The following TBC1D15 variants were observed in gnomAD, a reference collection of about 807,000 sequenced individuals.
The protein encoded by TBC1D15 is TBC1 domain family member 15, also known as GAP for RAB7.
A neutral mutation model predicts 95.4 loss-of-function variants in TBC1D15; 39 were observed. The observed-to-expected ratio is 0.41, with a 90% CI of 0.32 to 0.53. The LOEUF is 0.53. Ranked by LOEUF, TBC1D15 falls within the 20% of genes least tolerant of loss-of-function variation. The pLI, the probability that TBC1D15 is intolerant of heterozygous loss-of-function variation, is 0.29. For synonymous variants in TBC1D15, 258 were observed against 261.3 expected (o/e 0.99, Z 0.12); for missense variants, 733 against 794.3 (o/e 0.92, Z 0.93).
In TBC1D15 at chr12:71,872,981, C is replaced by T. The variant is rs758155901; in HGVS notation, c.182C>T (p.Ser61Phe). Residue 61 changes from serine (S) to phenylalanine (F), a missense_variant, in exon 3 of 17, where the codon TCT (serine) becomes TTT (phenylalanine). Ser to Phe is a radical substitution (Grantham distance 155). Coordinates refer to ENST00000485960, the MANE Select transcript of TBC1D15 (RefSeq NM_001146213.3). ...WRPLDDALDS[S>F]SILYARKDSS... Reference sequence around the variant, plus strand: ...CCATTGGATGATGCATTAGATTCCTCTAGTATTCTCTATGCTAGAAAGGTA... The same window carrying T: ...CCATTGGATGATGCATTAGATTCCTTTAGTATTCTCTATGCTAGAAAGGTA... The T allele has an allele frequency of 6.2e-7, 1 of 1,607,926 alleles. No individual in the cohort carries two copies.
At chr12:71,891,326 T>C (rs1356006267) in intron 5 of TBC1D15, among the ~76,000 whole-genome samples, 2 of 152,160 alleles carry the variant, frequency 1.3e-5, no homozygotes, top group African/African-American at 2.4e-5. Context: ...TACTAGACTA[T>C]AGTTTTCTTC....
chr12:71,854,827 T>C (rs1351927240), intron 1 of TBC1D15: 3 of 456,616 alleles, frequency 6.6e-6, no homozygotes, highest in Non-Finnish European at 1.3e-5. Context: ...AAATCTTTGA[T>C]CTGTTCTTCC....
In TBC1D15 at chr12:71,893,243, A is replaced by G. The variant is rs1406954416; in HGVS notation, c.576A>G (p.Thr192=). The change falls in exon 6 of 17, where the codon ACA becomes ACG. Residue 192 remains threonine (T), a synonymous_variant. Coordinates refer to ENST00000485960, the MANE Select transcript of TBC1D15 (RefSeq NM_001146213.3). Reference sequence around the variant, plus strand: ...ATAGATCTCCACAGGATAAAAGAACACTTCTTGTGAATTGTCAGAATAAGA... The same window carrying G: ...ATAGATCTCCACAGGATAAAAGAACGCTTCTTGTGAATTGTCAGAATAAGA... ...VLCESPQDKR[T]LLVNCQNKSL... 4.4e-6 allele frequency: 7 copies of G among 1,607,120 alleles called. No individual in the cohort carries two copies. The highest frequency in any genetic ancestry group is 1.1e-5 in the South Asian group (1 of 90,450).
At chr12:71,878,682 A>AT (rs1894490144) in intron 3 of TBC1D15, among the ~76,000 whole-genome samples, 1 of 151,330 alleles carries the variant, frequency 6.6e-6, no homozygotes, top group South Asian at 2.1e-4. Context: ...CTCCCGGCTA[A>AT]TTTTTGTATT....
chr12:71,889,677 G>T (rs1896877342), intron 5 of TBC1D15, among the ~76,000 whole-genome samples: 1 of 152,136 alleles, frequency 6.6e-6, no homozygotes, highest in Non-Finnish European at 1.5e-5. Flanking sequence ...ATATGTGCAG[G>T]TTTGTTATGT....
At chr12:71,854,413 T>C (rs1000323720) in intron 1 of TBC1D15, 5 of 364,652 alleles carry the variant, frequency 1.4e-5, no homozygotes, top group Non-Finnish European at 2.7e-5. Context: ...ACATCTTTTT[T>C]CCCCTTCAAT....
At chr12:71,895,334 A>G (rs1483852588) in intron 7 of TBC1D15, among the ~76,000 whole-genome samples, 3 of 152,094 alleles carry the variant, frequency 2.0e-5, no homozygotes, top group East Asian at 3.8e-4. Flanking sequence ...GTGCTCAGTA[A>G]GATTTAAATT....
intron 5 of TBC1D15, among the ~76,000 whole-genome samples, chr12:71,891,012 G>A (rs1897116171): frequency 6.6e-6 from 1 of 152,114 alleles, no homozygotes; most frequent in South Asian, 2.1e-4. Flanking sequence ...AGCCAAATTT[G>A]TTGTATCATC....
intron 11 of TBC1D15, among the ~76,000 whole-genome samples, chr12:71,910,043 G>A (rs2138948505): frequency 6.6e-6 from 1 of 152,030 alleles, no homozygotes; most frequent in Admixed American, 6.6e-5. Flanking sequence ...TTTGTATAAG[G>A]TGTAAGGAAG....
chr12:71,848,640 T>A (rs1442177145), intron 1 of TBC1D15, among the ~76,000 whole-genome samples: 2 of 152,140 alleles, frequency 1.3e-5, no homozygotes, highest in Admixed American at 6.5e-5. Context: ...TTTAAAAAAA[T>A]TATTTATTTT....
intron 5 of TBC1D15, among the ~76,000 whole-genome samples, chr12:71,892,775 G>A (rs1243136703): frequency 1.3e-5 from 2 of 151,418 alleles, no homozygotes; most frequent in Non-Finnish European, 3.0e-5. Flanking sequence ...GAATGAAGGT[G>A]GAAATGATTT....
chr12:71,894,538 A>G, intron 6 of TBC1D15, 148 bp from the exon 7 acceptor site: 2 of 1,085,960 alleles, frequency 1.8e-6, no homozygotes, highest in Admixed American at 5.6e-5. Context: ...TTGAAGAAAG[A>G]AAATACAAAT....
rs776839503 is a variant in TBC1D15 at position 71,913,907 on chromosome 12, C to G, written c.1382C>G (p.Ala461Gly). The G allele has an allele frequency of 1.3e-6, 2 of 1,591,384 alleles. No individual in the cohort carries two copies. The highest frequency in any genetic ancestry group is 1.7e-6 in the Non-Finnish European group (2 of 1,172,116). Reference sequence around the variant, plus strand: ...GAAGTGGATGCCTTTTGGTGCTTTGCCTCTTACATGGACCAAATGGTAAGA... The same window carrying G: ...GAAGTGGATGCCTTTTGGTGCTTTGGCTCTTACATGGACCAAATGGTAAGA... Reference protein sequence around the residue: ...ENEVDAFWCFASYMDQMHQNF... With the variant: ...ENEVDAFWCFGSYMDQMHQNF... The change falls in exon 12 of 17, where the codon GCC becomes GGC. Residue 461 changes from alanine to glycine, a missense_variant. Transcript: ENST00000485960.
intron 10 of TBC1D15, among the ~76,000 whole-genome samples, chr12:71,904,388 C>G (rs1022585625): frequency 6.6e-6 from 1 of 152,108 alleles, no homozygotes; most frequent in African/African-American, 2.4e-5. Flanking sequence ...ACAGCTCTTT[C>G]AAGGAGTTTT....
chr12:71,875,841 A>C (rs1394711564), intron 3 of TBC1D15, among the ~76,000 whole-genome samples: 1 of 152,080 alleles, frequency 6.6e-6, no homozygotes, highest in Admixed American at 6.5e-5. Context: ...TCTGTCACCC[A>C]GGCTGGAGTA....
At chr12:71,896,173 TGG>T (rs368941485) in intron 8 of TBC1D15, 98 bp downstream of exon 8, 5 of 1,209,228 alleles carry the variant, frequency 4.1e-6, no homozygotes, top group Non-Finnish European at 4.5e-6. Flanking sequence ...TTTTTGTTGT[TGG>T]TTTTTTTTTT....
intron 3 of TBC1D15, among the ~76,000 whole-genome samples, chr12:71,879,745 T>G (rs79195523): frequency 0.089 from 13,620 of 152,272 alleles, 696 homozygotes; most frequent in East Asian, 0.17. Flanking sequence ...TCATACCATT[T>G]GCCTGTTTTT....
chr12:71,902,456 C>G (rs913284784), intron 10 of TBC1D15, among the ~76,000 whole-genome samples: 7 of 152,256 alleles, frequency 4.6e-5, no homozygotes, highest in African/African-American at 1.7e-4. Context: ...TTCGACAGAG[C>G]TGACAAAAAC....
At chr12:71,849,634 C>CT (rs1291248521) in intron 1 of TBC1D15, 1 of 587,180 alleles carries the variant, frequency 1.7e-6, no homozygotes, top group Non-Finnish European at 3.2e-6. Context: ...GCATTGGAGA[C>CT]ATCGTCAGCT....
Sources: allele counts gnomAD v4.1 joint callset (sites outside exome capture counted in the v4.1 genomes callset), GRCh38; gene constraint gnomAD v4.1.1; transcripts MANE v1.5; gene names NCBI Gene and HGNC (gene_info 2026-07-23, HGNC 2026-07-21).